The following NDUFAF2 variants were observed in gnomAD, a reference collection of about 807,000 sequenced individuals.
The protein encoded by NDUFAF2 is NADH:ubiquinone oxidoreductase complex assembly factor 2.
In NDUFAF2, 13 loss-of-function variants were observed where a neutral mutation model predicts 22.8. The observed-to-expected ratio is 0.57, with a 90% confidence interval of 0.37 to 0.91. The LOEUF is 0.91. NDUFAF2 is among the 40% of genes least tolerant of loss of function. NDUFAF2 has a pLI of 0.01. For missense variants in NDUFAF2, 162 were observed against 195.2 expected (o/e 0.83, Z 1.01); for synonymous variants, 53 against 64.2 (o/e 0.83, Z 0.84).
intron 1 of NDUFAF2, among the ~76,000 whole-genome samples, chr5:61,029,201 G>C (rs1340214820): frequency 6.6e-6 from 1 of 152,112 alleles, no homozygotes; most frequent in African/African-American, 2.4e-5. Context: ...TAATAGGATA[G>C]GCTATACATG....
intron 2 of NDUFAF2, among the ~76,000 whole-genome samples, chr5:61,084,802 G>A (rs2111747404): frequency 6.6e-6 from 1 of 152,240 alleles, no homozygotes; most frequent in Middle Eastern, 3.4e-3. Flanking sequence ...ACAAATATCT[G>A]TAGATTTAAA....
At chr5:61,099,871 G>A (rs538113302) in intron 3 of NDUFAF2, among the ~76,000 whole-genome samples, 43 of 152,058 alleles carry the variant, frequency 2.8e-4, no homozygotes, top group Admixed American at 7.2e-4. Flanking sequence ...AATGGGCTCC[G>A]GTACTCAATC....
At chr5:61,018,003 C>T (rs940575191) in intron 1 of NDUFAF2, among the ~76,000 whole-genome samples, 5 of 152,110 alleles carry the variant, frequency 3.3e-5, no homozygotes, top group South Asian at 2.1e-4. Flanking sequence ...TCGCCCACCT[C>T]GGCCTCCCAG....
intron 1 of NDUFAF2, among the ~76,000 whole-genome samples, chr5:60,964,785 A>G (rs1271601723): frequency 6.6e-6 from 1 of 152,076 alleles, no homozygotes; most frequent in African/African-American, 2.4e-5. Context: ...ATGTTGTACA[A>G]TGGAACTCTT....
chr5:61,129,405 A>G (rs536846821), intron 3 of NDUFAF2, among the ~76,000 whole-genome samples: 1 of 152,288 alleles, frequency 6.6e-6, no homozygotes, highest in Admixed American at 6.5e-5. Context: ...ATGTCCAACA[A>G]TGATAGACTG....
At chr5:61,140,159 C>T (rs1287725055) in intron 3 of NDUFAF2, among the ~76,000 whole-genome samples, 1 of 152,258 alleles carries the variant, frequency 6.6e-6, no homozygotes, top group African/African-American at 2.4e-5. Flanking sequence ...GGCAGGGCAT[C>T]GCCAGCCAGA....
Position 61,152,986 on chromosome 5 carries a change from T to G in NDUFAF2, c.*31T>G. 2 of 1,609,900 alleles carry G rather than the reference T, an allele frequency of 1.2e-6. No homozygotes were observed. The highest frequency in any genetic ancestry group is 2.2e-5 in the South Asian group (2 of 90,476). On this transcript the variant is annotated 3_prime_UTR_variant, in exon 4 of 4. Coordinates refer to ENST00000296597, the MANE Select transcript of NDUFAF2 (RefSeq NM_174889.5). ...TTATGGTCAAATCTTTTCATGTATATGGATGTGACTATTTTAACAAATAAA... is the reference window on the plus strand; with the variant it reads ...TTATGGTCAAATCTTTTCATGTATAGGGATGTGACTATTTTAACAAATAAA...
At chr5:60,965,595 C>T (rs1453288966) in intron 1 of NDUFAF2, among the ~76,000 whole-genome samples, 4 of 152,124 alleles carry the variant, frequency 2.6e-5, no homozygotes, top group Non-Finnish European at 4.4e-5. Context: ...AAAGATTCCA[C>T]ATATAAGTGA....
chr5:61,067,875 C>T (rs575123559), intron 1 of NDUFAF2, among the ~76,000 whole-genome samples: 1 of 152,194 alleles, frequency 6.6e-6, no homozygotes, highest in South Asian at 2.1e-4. Flanking sequence ...GATGGTATCT[C>T]ACTGTGGTTT....
chr5:61,011,590 T>C (rs1032465746), intron 1 of NDUFAF2, among the ~76,000 whole-genome samples: 1 of 152,130 alleles, frequency 6.6e-6, no homozygotes, highest in Non-Finnish European at 1.5e-5. Context: ...TGTGGCATCA[T>C]TTTCAGTGGT....
intron 2 of NDUFAF2, among the ~76,000 whole-genome samples, chr5:61,077,328 A>AG (rs138728136): frequency 4.9e-4 from 75 of 152,294 alleles, no homozygotes; most frequent in African/African-American, 1.8e-3. Context: ...GAAACATAGG[A>AG]GAAAAAAAAA....
intron 1 of NDUFAF2, among the ~76,000 whole-genome samples, chr5:61,054,949 C>T (rs1474686517): frequency 6.6e-6 from 1 of 152,126 alleles, no homozygotes; most frequent in African/African-American, 2.4e-5. Context: ...GAGCTGTTCT[C>T]TCATGTGTCA....
At chr5:61,124,650 C>T (rs937941157) in intron 3 of NDUFAF2, among the ~76,000 whole-genome samples, 5 of 152,014 alleles carry the variant, frequency 3.3e-5, no homozygotes, top group African/African-American at 1.2e-4. Flanking sequence ...GGTCACCCTA[C>T]CACATTGAAA....
chr5:61,139,663 G>A (rs958064380), intron 3 of NDUFAF2, among the ~76,000 whole-genome samples: 2 of 152,164 alleles, frequency 1.3e-5, no homozygotes, highest in Non-Finnish European at 2.9e-5. Context: ...AGGCTAATAG[G>A]GGCGGGTCCC....
chr5:60,991,011 T>C (rs1751151276), intron 1 of NDUFAF2, among the ~76,000 whole-genome samples: 1 of 152,138 alleles, frequency 6.6e-6, no homozygotes, highest in Non-Finnish European at 1.5e-5. Context: ...TTCAAAGTGA[T>C]TTTTTTACTA....
At position 61,143,958 on chromosome 5, in the gene NDUFAF2, TTTTGTGTGTGTGTG is replaced by T. The variant is rs1407174197; in HGVS notation, c.259-8744_259-8731del. 4.4e-3 allele frequency among the ~76,000 whole-genome samples: 558 copies of T among 125,628 alleles called. 3 individuals carry two copies. Among genetic ancestry groups the T allele is most frequent in the Non-Finnish European group, 7.4e-3 (436 of 59,008 alleles). The allele number at this position is 125,628 out of a possible 152,430, so 82.4% of individuals were successfully genotyped here. A position where few individuals can be genotyped will look rare whatever the true frequency, so the allele number is the denominator to read the frequency against. On this transcript the variant is annotated intron_variant, in intron 3 of 3. Transcript: ENST00000296597. Reference sequence around the variant, plus strand: ...GAACATTAAAGATGAAATGGCATATTTTTGTGTGTGTGTGTGTGTGTGTGTGTGTGTGTGTGTGT... The same window carrying T: ...GAACATTAAAGATGAAATGGCATATTTGTGTGTGTGTGTGTGTGTGTGTGT...
At chr5:60,964,009 G>A (rs1228123863) in intron 1 of NDUFAF2, among the ~76,000 whole-genome samples, 1 of 152,116 alleles carries the variant, frequency 6.6e-6, no homozygotes, top group African/African-American at 2.4e-5. Context: ...AGGGTTTTTA[G>A]CAAAGGAGTT....
intron 3 of NDUFAF2, among the ~76,000 whole-genome samples, chr5:61,128,840 A>G (rs1047978283): frequency 1.3e-5 from 2 of 152,176 alleles, no homozygotes; most frequent in African/African-American, 4.8e-5. Context: ...AGCAAAAGAA[A>G]CTACCATCAG....
chr5:61,035,658 C>G (rs967184602), intron 1 of NDUFAF2, among the ~76,000 whole-genome samples: 1 of 151,922 alleles, frequency 6.6e-6, no homozygotes, highest in African/African-American at 2.4e-5. Flanking sequence ...TGCCAGGGGT[C>G]TCAATTTAGA....
Sources: allele counts gnomAD v4.1 joint callset (sites outside exome capture counted in the v4.1 genomes callset), GRCh38; gene constraint gnomAD v4.1.1; transcripts MANE v1.5; gene names NCBI Gene and HGNC (gene_info 2026-07-23, HGNC 2026-07-21).